Variants in CSTPP1 observed in about 807,000 individuals in gnomAD.
The protein encoded by CSTPP1 is centriolar satellite-associated tubulin polyglutamylase complex regulator 1, also known as UPF0705 protein C11orf49.
chr11:47,159,667 G>C, the CSTPP1 span: 2 of 456,174 alleles, frequency 4.4e-6, no homozygotes, highest in Non-Finnish European at 8.8e-6. Flanking sequence ...TTAGCAACTG[G>C]GTCACAGCCT....
the CSTPP1 span, among the ~76,000 whole-genome samples, chr11:46,972,949 A>G: frequency 6.6e-6 from 1 of 152,164 alleles, no homozygotes. Context: ...TCAAGAGATT[A>G]AGGTTCAATT....
the CSTPP1 span, among the ~76,000 whole-genome samples, chr11:47,016,867 G>A: frequency 7.9e-6 from 1 of 126,636 alleles, no homozygotes; most frequent in Non-Finnish European, 1.6e-5. Context: ...TTTTGAGATG[G>A]AGTCTCGCTC....
At chr11:47,054,037 C>T in the CSTPP1 span, among the ~76,000 whole-genome samples, 4 of 150,924 alleles carry the variant, frequency 2.7e-5, no homozygotes, top group African/African-American at 4.9e-5. Flanking sequence ...CAGCCGGGCA[C>T]GGTGACTCAT....
At chr11:47,082,142 C>A in the CSTPP1 span, among the ~76,000 whole-genome samples, 5 of 133,808 alleles carry the variant, frequency 3.7e-5, no homozygotes, top group East Asian at 1.1e-3. Context: ...GGAGTGAGAC[C>A]CTGTCTCAAA....
the CSTPP1 span, among the ~76,000 whole-genome samples, chr11:47,091,739 G>A: frequency 1.3e-5 from 2 of 152,324 alleles, no homozygotes; most frequent in South Asian, 2.1e-4. Context: ...TTGATGACGG[G>A]AGAGGAAGAA....
chr11:47,109,384 A>G, the CSTPP1 span: 1 of 152,038 alleles, frequency 6.6e-6, no homozygotes, highest in East Asian at 1.9e-4. Flanking sequence ...AAGCAGAAGA[A>G]ATTGACCTTT....
chr11:47,159,352 A>G, the CSTPP1 span, among the ~76,000 whole-genome samples: 1 of 152,006 alleles, frequency 6.6e-6, no homozygotes, highest in African/African-American at 2.4e-5. Context: ...ACTACTGAAA[A>G]TACAAAAATT....
At chr11:46,946,058 T>C in the CSTPP1 span, among the ~76,000 whole-genome samples, 15,283 of 152,190 alleles carry the variant, frequency 0.1, 2,546 homozygotes, top group African/African-American at 0.35. Context: ...TTAATACATG[T>C]AATAAATAAA....
the CSTPP1 span, among the ~76,000 whole-genome samples, chr11:46,946,458 AC>A: frequency 6.6e-6 from 1 of 152,218 alleles, no homozygotes; most frequent in Non-Finnish European, 1.5e-5. Flanking sequence ...GGAGATCGAG[AC>A]CATCCTGGCT....
At chr11:47,013,147 G>A in the CSTPP1 span, among the ~76,000 whole-genome samples, 2 of 145,592 alleles carry the variant, frequency 1.4e-5, no homozygotes, top group African/African-American at 2.5e-5. Flanking sequence ...ATAACCATAT[G>A]TAGTTATATA....
the CSTPP1 span, among the ~76,000 whole-genome samples, chr11:47,110,413 G>A: frequency 6.6e-6 from 1 of 152,238 alleles, no homozygotes; most frequent in Admixed American, 6.5e-5. Flanking sequence ...GGAATGGAAT[G>A]AGAAGACATG....
the CSTPP1 span, chr11:47,155,706 C>G: frequency 2.9e-5 from 5 of 170,252 alleles, no homozygotes; most frequent in South Asian, 8.1e-4. Flanking sequence ...GAGACCAGAC[C>G]TGAAGGCTGA....
the CSTPP1 span, among the ~76,000 whole-genome samples, chr11:47,153,278 CT>C: frequency 6.6e-6 from 1 of 152,202 alleles, no homozygotes; most frequent in African/African-American, 2.4e-5. Context: ...AGGGCACCCT[CT>C]TGTGGCCCTC....
At chr11:47,045,329 A>G in the CSTPP1 span, among the ~76,000 whole-genome samples, 321 of 152,008 alleles carry the variant, frequency 2.1e-3, 2 homozygotes, top group South Asian at 6.0e-3. Flanking sequence ...ACAATTCAAA[A>G]AAAGCTTTGA....
At chr11:46,976,074 A>G in the CSTPP1 span, among the ~76,000 whole-genome samples, 2 of 152,194 alleles carry the variant, frequency 1.3e-5, no homozygotes, top group Non-Finnish European at 2.9e-5. Context: ...GAGAAAAAGA[A>G]AATGGACTAT....
the CSTPP1 span, among the ~76,000 whole-genome samples, chr11:47,162,409 C>T: frequency 6.6e-6 from 1 of 152,172 alleles, no homozygotes; most frequent in Admixed American, 6.5e-5. Context: ...ACAAGAGCAA[C>T]CTTCCAGAGG....
the CSTPP1 span, among the ~76,000 whole-genome samples, chr11:47,163,699 G>T: frequency 2.6e-5 from 4 of 152,246 alleles, no homozygotes; most frequent in East Asian, 7.7e-4. Flanking sequence ...CTGGGGTGCA[G>T]TGGCGCGATC....
At chr11:47,019,766 C>T in the CSTPP1 span, among the ~76,000 whole-genome samples, 1 of 151,996 alleles carries the variant, frequency 6.6e-6, no homozygotes, top group Non-Finnish European at 1.5e-5. Flanking sequence ...TGAGAATTAC[C>T]AAAATGTGAA....
the CSTPP1 span, among the ~76,000 whole-genome samples, chr11:47,149,777 C>T: frequency 6.6e-6 from 1 of 152,066 alleles, no homozygotes; most frequent in African/African-American, 2.4e-5. Context: ...ACTGTCCCCC[C>T]ACTAGATTTA....
Sources: gnomAD v4.1 joint callset for allele counts (sites outside exome capture counted in the v4.1 genomes callset) on GRCh38, gnomAD v4.1.1 for gene constraint, MANE v1.5 for transcripts, NCBI Gene and HGNC (gene_info 2026-07-23, HGNC 2026-07-21) for gene names.